The following DAB1 variants were observed in gnomAD, a reference collection of about 807,000 sequenced individuals.
DAB1 encodes the protein disabled homolog 1.
DAB1 carries 15 observed loss-of-function variants against 64.6 expected under a neutral mutation model. That is an observed-to-expected ratio of 0.23 (90% confidence interval 0.16 to 0.36). DAB1 has a LOEUF of 0.36. DAB1 is among the 10% of genes least tolerant of loss of function. The probability of loss-of-function intolerance (pLI) is 1.00; values close to 1 mark genes in which losing one functional copy is unlikely to be tolerated. For missense variants in DAB1, 596 were observed against 706.7 expected (o/e 0.84, Z 1.78); for synonymous variants, 235 against 251.9 (o/e 0.93, Z 0.64).
intron 1 of DAB1, among the ~76,000 whole-genome samples, chr1:57,873,203 T>A (rs1452810096): frequency 6.6e-6 from 1 of 152,128 alleles, no homozygotes; most frequent in Non-Finnish European, 1.5e-5. Flanking sequence ...TATCTATTGA[T>A]CAATAAATTG....
chr1:57,072,975 T>C (rs1161893204), intron 4 of DAB1, among the ~76,000 whole-genome samples: 6 of 152,212 alleles, frequency 3.9e-5, no homozygotes, highest in African/African-American at 1.4e-4. Context: ...GCTATGCATA[T>C]CTCAGGCTTT....
intron 7 of DAB1, among the ~76,000 whole-genome samples, chr1:57,554,279 A>G (rs538799011): frequency 8.5e-5 from 13 of 152,222 alleles, no homozygotes; most frequent in African/African-American, 1.4e-4. Flanking sequence ...TTAGCCAGAA[A>G]TGAATCCCAC....
chr1:57,002,458 G>T (rs979858044), intron 14 of DAB1, among the ~76,000 whole-genome samples: 1 of 152,198 alleles, frequency 6.6e-6, no homozygotes, highest in Non-Finnish European at 1.5e-5. Flanking sequence ...ACAAAGTGGG[G>T]TTTTTCTCTG....
At chr1:58,372,782 T>TC (rs1402296316) in intron 3 of DAB1, among the ~76,000 whole-genome samples, 2 of 152,180 alleles carry the variant, frequency 1.3e-5, no homozygotes, top group Non-Finnish European at 1.5e-5. Flanking sequence ...TTTGGCAGTT[T>TC]CCCTTGTCTT....
intron 2 of DAB1, among the ~76,000 whole-genome samples, chr1:58,526,874 C>T (rs903828014): frequency 3.9e-5 from 6 of 151,940 alleles, no homozygotes; most frequent in African/African-American, 1.4e-4. Context: ...TGTTAAAAGG[C>T]CAGAGGGGAT....
intron 1 of DAB1, among the ~76,000 whole-genome samples, chr1:57,336,529 T>A (rs1022328880): frequency 1.3e-5 from 2 of 152,228 alleles, no homozygotes; most frequent in African/African-American, 4.8e-5. Flanking sequence ...GATTCCTGTG[T>A]GTCAGGCATC....
intron 7 of DAB1, among the ~76,000 whole-genome samples, chr1:57,496,526 C>T (rs146556693): frequency 2.0e-5 from 3 of 152,258 alleles, no homozygotes; most frequent in South Asian, 2.1e-4. Context: ...TCACAGCCCA[C>T]GTCTTCTGAT....
At chr1:58,249,035 G>A (rs1006227735) in intron 4 of DAB1, among the ~76,000 whole-genome samples, 1 of 152,090 alleles carries the variant, frequency 6.6e-6, no homozygotes, top group African/African-American at 2.4e-5. Flanking sequence ...GCGATTTACA[G>A]GCAAGAGCCC....
intron 3 of DAB1, among the ~76,000 whole-genome samples, chr1:58,483,300 G>A (rs777952515): frequency 6.4e-4 from 97 of 152,152 alleles, no homozygotes; most frequent in East Asian, 1.9e-4. Context: ...CAGATACCCT[G>A]AGTGGGGTAT....
intron 8 of DAB1, among the ~76,000 whole-genome samples, chr1:57,066,202 G>A (rs1164128599): frequency 6.6e-6 from 1 of 152,136 alleles, no homozygotes; most frequent in African/African-American, 2.4e-5. Flanking sequence ...GTGGAAAGCT[G>A]AAATCTTGCT....
chr1:57,938,557 A>G (rs1318817099), intron 5 of DAB1, among the ~76,000 whole-genome samples: 1 of 152,008 alleles, frequency 6.6e-6, no homozygotes, highest in Non-Finnish European at 1.5e-5. Context: ...GCCACATAAG[A>G]TGTGCCTTTG....
intron 7 of DAB1, among the ~76,000 whole-genome samples, chr1:57,504,511 A>T (rs1224516121): frequency 6.6e-6 from 1 of 152,264 alleles, no homozygotes; most frequent in Non-Finnish European, 1.5e-5. Context: ...AAAGTATAAA[A>T]TAAATATCCT....
chr1:57,955,638 G>C (rs1009122441), intron 5 of DAB1, among the ~76,000 whole-genome samples: 1 of 152,096 alleles, frequency 6.6e-6, no homozygotes, highest in Non-Finnish European at 1.5e-5. Context: ...GACTGAAATA[G>C]AGGATACAGC....
chr1:58,186,361 G>A (rs983502747), intron 4 of DAB1, among the ~76,000 whole-genome samples: 4 of 152,144 alleles, frequency 2.6e-5, no homozygotes, highest in Admixed American at 6.5e-5. Flanking sequence ...GAGCCAATTC[G>A]TACTCTTTAA....
At chr1:58,089,581 T>C (rs1441838723) in intron 5 of DAB1, among the ~76,000 whole-genome samples, 1 of 152,224 alleles carries the variant, frequency 6.6e-6, no homozygotes, top group Non-Finnish European at 1.5e-5. Context: ...CTGAATTCTT[T>C]ACATCCTGGC....
intron 7 of DAB1, among the ~76,000 whole-genome samples, chr1:57,463,260 T>C (rs1454020579): frequency 2.0e-5 from 3 of 152,186 alleles, no homozygotes; most frequent in Non-Finnish European, 4.4e-5. Flanking sequence ...TTGTATATGA[T>C]AGACTGCAAG....
intron 4 of DAB1, among the ~76,000 whole-genome samples, chr1:58,235,023 G>A (rs778959746): frequency 7.2e-5 from 11 of 152,202 alleles, no homozygotes; most frequent in Non-Finnish European, 1.6e-4. Context: ...GAATCTATTC[G>A]TGGCCTTGTC....
chr1:57,368,896 T>C (rs1457389816), intron 1 of DAB1, among the ~76,000 whole-genome samples: 2 of 151,982 alleles, frequency 1.3e-5, no homozygotes, highest in Non-Finnish European at 2.9e-5. Flanking sequence ...AAAGAGGTAA[T>C]TTCACTTCCA....
chr1:58,236,484 CA>C (rs1196660988), intron 4 of DAB1, among the ~76,000 whole-genome samples: 2 of 152,122 alleles, frequency 1.3e-5, no homozygotes, highest in Non-Finnish European at 2.9e-5. Flanking sequence ...AAAACAAAAA[CA>C]AAAACTGAAA....
Sources: allele counts gnomAD v4.1 joint callset (sites outside exome capture counted in the v4.1 genomes callset), GRCh38; gene constraint gnomAD v4.1.1; transcripts MANE v1.5; gene names NCBI Gene and HGNC (gene_info 2026-07-23, HGNC 2026-07-21).